SNX13: variants seen among roughly 807,000 people sequenced by gnomAD.
SNX13 encodes sorting nexin 13, also known as sorting nexin-13.
A neutral mutation model predicts 133.6 loss-of-function variants in SNX13; 45 were observed. That is an observed-to-expected ratio of 0.34 (90% CI 0.27 to 0.43). SNX13 has a LOEUF of 0.43. Ranked by LOEUF, SNX13 falls within the 20% of genes least tolerant of loss-of-function variation. The pLI is 1.00. For synonymous variants in SNX13, 414 were observed against 373.9 expected, an observed-to-expected ratio of 1.11 and a Z score of -1.24; for missense variants, 1,032 against 1,145.1, an observed-to-expected ratio of 0.90 and a Z score of 1.43.
intron 22 of SNX13, 102 bp downstream of exon 22, chr7:17,801,481 TTATAA>T: frequency 2.5e-6 from 2 of 785,282 alleles, no homozygotes; most frequent in Non-Finnish European, 4.1e-6. Context: ...AGCTTAACAC[TTATAA>T]TATGTGCACA....
At chr7:17,918,768 AAATG>A (rs1465043584) in intron 1 of SNX13, among the ~76,000 whole-genome samples, 1 of 152,254 alleles carries the variant, frequency 6.6e-6, no homozygotes, top group African/African-American at 2.4e-5. Context: ...ACCCAAAAGA[AAATG>A]AATCTTTCTA....
At chr7:17,817,494 C>T (rs907753084) in intron 18 of SNX13, among the ~76,000 whole-genome samples, 1 of 152,128 alleles carries the variant, frequency 6.6e-6, no homozygotes, top group African/African-American at 2.4e-5. Flanking sequence ...GGATAATTTC[C>T]ATCCCCAAAC....
chr7:17,846,817 C>T (rs1354299918), intron 11 of SNX13, among the ~76,000 whole-genome samples: 2 of 152,150 alleles, frequency 1.3e-5, no homozygotes, highest in Admixed American at 6.6e-5. Context: ...AATTGTATCA[C>T]CTCTTTCTCC....
At chr7:17,932,837 T>A (rs1323818260) in intron 1 of SNX13, among the ~76,000 whole-genome samples, 1 of 152,186 alleles carries the variant, frequency 6.6e-6, no homozygotes, top group Non-Finnish European at 1.5e-5. Flanking sequence ...TCCAATCTTT[T>A]CCCCTCTTAA....
At chr7:17,804,859 C>T (rs1041084242) in intron 20 of SNX13, among the ~76,000 whole-genome samples, 13 of 151,988 alleles carry the variant, frequency 8.6e-5, no homozygotes, top group African/African-American at 2.9e-4. Context: ...ATCATAGCAA[C>T]GTTAATAGAT....
intron 11 of SNX13, 122 bp downstream of exon 11, chr7:17,850,225 T>TAA: frequency 2.3e-6 from 1 of 443,754 alleles, no homozygotes; most frequent in Non-Finnish European, 3.8e-6. Flanking sequence ...AAACTCTTTT[T>TAA]AAAGTCCTCT....
chr7:17,842,979 C>T (rs74724869), intron 12 of SNX13, among the ~76,000 whole-genome samples: 2,591 of 151,618 alleles, frequency 0.017, 78 homozygotes, highest in African/African-American at 0.059. Context: ...CATGTCACTA[C>T]AAAAAAATCA....
At chr7:17,875,400 A>G in intron 7 of SNX13, 80 bp downstream of exon 7, 1 of 1,100,540 alleles carries the variant, frequency 9.1e-7, no homozygotes, top group Non-Finnish European at 1.3e-6. Flanking sequence ...GAATAATTTT[A>G]CCCTTAGATT....
Position 17,940,271 on chromosome 7 carries a change from C to T in SNX13, c.12+13G>A, listed in dbSNP as rs1019061457. ...CATTTCACAGGTAAACACTGGCCAC[C>T]GTCGCCGCTTACCTCAGTTAACATT... is the stretch of plus-strand genomic sequence containing the variant. On this transcript the variant is annotated intron_variant, in intron 1 of 25. Transcript: ENST00000428135. The T allele has an allele frequency of 6.4e-7, 1 of 1,559,332 alleles. No individual in the cohort carries two copies. Among genetic ancestry groups the T allele is most frequent in the Non-Finnish European group, 8.7e-7 (1 of 1,151,570 alleles).
intron 7 of SNX13, among the ~76,000 whole-genome samples, chr7:17,874,857 C>A (rs1794534076): frequency 2.0e-5 from 3 of 152,138 alleles, no homozygotes; most frequent in Admixed American, 2.0e-4. Flanking sequence ...TATTTGAAAT[C>A]ACTGTATCAT....
Position 17,796,565 on chromosome 7 carries a change from A to G in SNX13, c.2626+262T>C, listed in dbSNP as rs7809501. The G allele has an allele frequency of 1.4e-3, 464 of 339,026 alleles. 2 individuals carry two copies. The highest frequency in any genetic ancestry group is 8.2e-3 in the African/African-American group (398 of 48,336). The allele number at this position is 339,026 out of a possible 1,614,324, so 21.0% of individuals were successfully genotyped here. On this transcript the variant is annotated intron_variant, in intron 25 of 25. Coordinates refer to ENST00000428135, the MANE Select transcript of SNX13 (RefSeq NM_015132.5). ...TACCAACTGTTGCTTAGTAGCTATA[A>G]ACCTTGGATAGGTTATTTAACCTCT...
chr7:17,792,389 CAT>C lies in SNX13; in HGVS notation c.*1654_*1655del, dbSNP rs1783635363. 6.6e-6 allele frequency: 1 copy of C among 152,168 alleles called. No homozygotes were observed. Among genetic ancestry groups the C allele is most frequent in the Admixed American group, 6.6e-5 (1 of 15,226 alleles). 9.4% of individuals were successfully genotyped at this position (152,168 alleles called of 1,614,324 possible). A position where few individuals can be genotyped will look rare whatever the true frequency, so the allele number is the denominator to read the frequency against. On this transcript the variant is annotated 3_prime_UTR_variant, in exon 26 of 26. Transcript: ENST00000428135. ...ATTTCATTTTATGTAATTCTGAAGA[CAT>C]GCAACATATGCTGAATATATGCATA... is the stretch of plus-strand genomic sequence containing the variant.
At chr7:17,812,304 G>C (rs1219683751) in intron 20 of SNX13, among the ~76,000 whole-genome samples, 1 of 151,176 alleles carries the variant, frequency 6.6e-6, no homozygotes, top group African/African-American at 2.4e-5. Context: ...AAACTTACAA[G>C]AAAAAAAACA....
intron 24 of SNX13, 29 bp downstream of exon 24, chr7:17,798,661 G>A: frequency 6.6e-7 from 1 of 1,509,548 alleles, no homozygotes; most frequent in Admixed American, 2.0e-5. Context: ...TGTACTACCT[G>A]AAAGAAGTGA....
intron 5 of SNX13, chr7:17,880,071 T>G (rs1795168048): frequency 6.6e-6 from 1 of 152,224 alleles, no homozygotes; most frequent in African/African-American, 2.4e-5. Context: ...TATATAAATC[T>G]TCCTGTGTAG....
chr7:17,864,466 G>GA (rs1299272145), intron 9 of SNX13, among the ~76,000 whole-genome samples: 1 of 151,850 alleles, frequency 6.6e-6, no homozygotes, highest in Non-Finnish European at 1.5e-5. Flanking sequence ...AACACATAGA[G>GA]AAAAAAAGAA....
Position 17,873,720 on chromosome 7 carries a change from T to A in SNX13, c.665-104A>T, listed in dbSNP as rs375943988. On this transcript the variant is annotated intron_variant, in intron 7 of 25. Transcript: ENST00000428135. ...AAAAAGGCAGAAATAACCAGTTCCC[T>A]GGTTACAATGGCTTATTTTAGTAAT... is the stretch of plus-strand genomic sequence containing the variant. 3.8e-5 allele frequency: 22 copies of A among 572,248 alleles called. No individual in the cohort carries two copies. In the African/African-American group the frequency reaches 3.9e-4, roughly 10 times the overall value. The allele number at this position is 572,248 out of a possible 1,614,324, so 35.4% of individuals were successfully genotyped here. A position where few individuals can be genotyped will look rare whatever the true frequency, so the allele number is the denominator to read the frequency against.
At chr7:17,883,633 A>G (rs752060446) in intron 5 of SNX13, among the ~76,000 whole-genome samples, 14 of 152,104 alleles carry the variant, frequency 9.2e-5, no homozygotes, top group Non-Finnish European at 1.8e-4. Context: ...ACACAGGTAT[A>G]CACGTGCCAT....
intron 1 of SNX13, among the ~76,000 whole-genome samples, chr7:17,925,628 T>C (rs536840491): frequency 1.7e-4 from 26 of 152,170 alleles, no homozygotes; most frequent in Non-Finnish European, 2.8e-4. Context: ...AAGGGCAATT[T>C]TGCTCCCCAT....
Sources: allele counts gnomAD v4.1 joint callset (sites outside exome capture counted in the v4.1 genomes callset), GRCh38; gene constraint gnomAD v4.1.1; transcripts MANE v1.5; gene names NCBI Gene and HGNC (gene_info 2026-07-23, HGNC 2026-07-21).